Variants in UNC5A observed in about 807,000 individuals in gnomAD.
UNC5A encodes the protein netrin receptor UNC5A.
In UNC5A, 20 loss-of-function variants were observed where a neutral mutation model predicts 87.4. The ratio of observed to expected loss-of-function variants is 0.23; its 90% confidence interval spans 0.16 to 0.33. The LOEUF is 0.33. UNC5A is among the 10% of genes least tolerant of loss of function. The pLI, the probability that UNC5A is intolerant of heterozygous loss-of-function variation, is 1.00. For synonymous variants in UNC5A, 438 were observed against 482.3 expected (o/e 0.91, Z 1.20); for missense variants, 844 against 1,133.4 (o/e 0.74, Z 3.67).
chr5:176,826,026 C>T (rs73340065), intron 1 of UNC5A, among the ~76,000 whole-genome samples: 9,075 of 152,198 alleles, frequency 0.06, 714 homozygotes, highest in African/African-American at 0.18. Context: ...GAGCAGGCTG[C>T]GGGTGCAGCA....
intron 1 of UNC5A, among the ~76,000 whole-genome samples, chr5:176,820,044 C>T (rs1416949783): frequency 2.0e-5 from 3 of 152,146 alleles, no homozygotes; most frequent in South Asian, 2.1e-4. Flanking sequence ...GGGCGGATCA[C>T]GAGGTCAGGA....
At position 176,869,021 on chromosome 5, in the gene UNC5A, G is replaced by A; in HGVS notation, c.721+57G>A. The A allele has an allele frequency of 6.5e-7, 1 of 1,527,184 alleles. No homozygotes were observed. The highest frequency in any genetic ancestry group is 8.8e-7 in the Non-Finnish European group (1 of 1,135,586). The allele number at this position is 1,527,184 out of a possible 1,614,324, so 94.6% of individuals were successfully genotyped here. A position where few individuals can be genotyped will look rare whatever the true frequency, so the allele number is the denominator to read the frequency against. On this transcript the variant is annotated intron_variant, in intron 5 of 14. Transcript: ENST00000329542. This position sits in a 1 kb window ranked among gnomAD's most constrained non-coding sequence, Gnocchi z 9.1. ...AGGCACTGCGGTGCCCCTGGGCAGT[G>A]ACATGTGGCTGGTGGGGTGAAGAGA...
chr5:176,833,994 G>C (rs910552515), intron 1 of UNC5A, among the ~76,000 whole-genome samples: 1 of 151,642 alleles, frequency 6.6e-6, no homozygotes, highest in African/African-American at 2.4e-5. Context: ...GTGAGCCACC[G>C]CACCCGGCCC....
intron 1 of UNC5A, among the ~76,000 whole-genome samples, chr5:176,814,892 C>T (rs1756550989): frequency 2.0e-5 from 3 of 152,210 alleles, no homozygotes; most frequent in African/African-American, 7.2e-5. Context: ...TGCTCTGCCC[C>T]TCTCAGCAAC....
chr5:176,867,725 C>G (rs1358150977), intron 2 of UNC5A, among the ~76,000 whole-genome samples: 1 of 152,214 alleles, frequency 6.6e-6, no homozygotes, highest in African/African-American at 2.4e-5. Flanking sequence ...CTTTTACCCA[C>G]AGAGGTGCAG....
At chr5:176,812,918 G>A (rs535669256) in intron 1 of UNC5A, among the ~76,000 whole-genome samples, 18 of 152,168 alleles carry the variant, frequency 1.2e-4, no homozygotes, top group Non-Finnish European at 8.8e-5. Flanking sequence ...GGCTCCTCCC[G>A]CGCTGCCTTT....
At chr5:176,877,110 G>T in intron 8 of UNC5A, 82 bp from the exon 9 acceptor site, 3 of 1,179,756 alleles carry the variant, frequency 2.5e-6, no homozygotes, top group Non-Finnish European at 3.7e-6. Flanking sequence ...GTCCTCACAG[G>T]AAGGCTCCTG....
At chr5:176,811,419 C>T (rs79664992) in intron 1 of UNC5A, among the ~76,000 whole-genome samples, 6,742 of 152,336 alleles carry the variant, frequency 0.044, 185 homozygotes, top group Middle Eastern at 0.13. Context: ...AGTCAAAGCG[C>T]CGCGGTCCCG....
chr5:176,827,532 A>G (rs1464122154), intron 1 of UNC5A, among the ~76,000 whole-genome samples: 3 of 152,166 alleles, frequency 2.0e-5, no homozygotes, highest in Admixed American at 6.5e-5. Flanking sequence ...GATGGACCAC[A>G]TTTGGTTTAT....
In UNC5A at chr5:176,865,693, C is replaced by T; in HGVS notation, c.293-2437C>T. The T allele has an allele frequency of 2.2e-6, 1 of 456,644 alleles. No homozygotes were observed. The highest frequency in any genetic ancestry group is 1.5e-5 in the South Asian group (1 of 64,570). 28.3% of individuals were successfully genotyped at this position (456,644 alleles called of 1,614,324 possible). ...CCACGCCGCCAAAGACCAAAGACCC[C>T]AAACCAGAAACGTTCTGTGGTCAGA... is the stretch of plus-strand genomic sequence containing the variant. On this transcript the variant is annotated intron_variant, in intron 2 of 14. Coordinates refer to ENST00000329542, the MANE Select transcript of UNC5A (RefSeq NM_133369.3). This position sits in a 1 kb window ranked among gnomAD's most constrained non-coding sequence, Gnocchi z 5.3.
At chr5:176,868,020 A>T in intron 2 of UNC5A, 110 bp from the exon 3 acceptor site, 3 of 875,108 alleles carry the variant, frequency 3.4e-6, no homozygotes, top group Non-Finnish European at 4.8e-6. Context: ...AAAAAAACAA[A>T]GTCCACTCCC....
In UNC5A at chr5:176,867,211, C is replaced by T. The variant is rs1757996442; in HGVS notation, c.293-919C>T. On this transcript the variant is annotated intron_variant, in intron 2 of 14. Coordinates refer to ENST00000329542, the MANE Select transcript of UNC5A (RefSeq NM_133369.3). ...GGAGGAGAAATTGGAAGCAAACAGT[C>T]TTTTCTCACTGCTGGGGATGCTGGT... Among the ~76,000 whole-genome samples, 7 of 152,312 alleles carry T rather than the reference C, an allele frequency of 4.6e-5. No homozygotes were observed. In the South Asian group the frequency reaches 1.4e-3, roughly 32 times the overall value.
At position 176,830,653 on chromosome 5, in the gene UNC5A, T is replaced by C. The variant is rs1252041160; in HGVS notation, c.70+19833T>C. 2.3e-4 allele frequency among the ~76,000 whole-genome samples: 31 copies of C among 137,582 alleles called. 1 individual carries two copies. Among genetic ancestry groups the C allele is most frequent in the Admixed American group, 1.4e-3 (19 of 13,912 alleles). 90.3% of individuals were successfully genotyped at this position (137,582 alleles called of 152,430 possible). On this transcript the variant is annotated intron_variant, in intron 1 of 14. Transcript: ENST00000329542. ...GTGTGTGCGCTGGCGTGTGCATTTG[T>C]GTGTGTGTGCTGGTGTGTGTGGGAG...
rs776599901 is a variant in UNC5A at position 176,838,226 on chromosome 5, G to A, written c.71-24398G>A. ...GAAGGAGCTGGAGAGGTGGGAAGTA[G>A]GGATTGGTGAGGCCTAATTCAGATG... On this transcript the variant is annotated intron_variant, in intron 1 of 14. Coordinates refer to ENST00000329542, the MANE Select transcript of UNC5A (RefSeq NM_133369.3). The surrounding 1 kb of genome is among the most constrained non-coding windows in gnomAD (Gnocchi z 4.2). Among the ~76,000 whole-genome samples, 59 of 152,190 alleles carry A rather than the reference G, an allele frequency of 3.9e-4. No homozygotes were observed. The highest frequency in any genetic ancestry group is 8.2e-4 in the Non-Finnish European group (56 of 68,036).
chr5:176,860,349 C>T (rs1757804990), intron 1 of UNC5A, among the ~76,000 whole-genome samples: 2 of 152,342 alleles, frequency 1.3e-5, no homozygotes, highest in South Asian at 4.1e-4. Flanking sequence ...GGCCCTCGGG[C>T]CAGCAGCACC....
chr5:176,870,251 C>G, intron 5 of UNC5A, 119 bp from the exon 6 acceptor site: 1 of 1,336,348 alleles, frequency 7.5e-7, no homozygotes, highest in Non-Finnish European at 1.0e-6. Flanking sequence ...GCTTTGCACC[C>G]AAATCCAGGC....
At chr5:176,868,459 C>T in intron 3 of UNC5A, 102 bp from the exon 4 acceptor site, 1 of 1,447,678 alleles carries the variant, frequency 6.9e-7, no homozygotes, top group Admixed American at 2.1e-5. Context: ...CTGGCACTTC[C>T]TCTGCCATGT....
rs78638772 is a variant in UNC5A at position 176,811,332 on chromosome 5, C to G, written c.70+512C>G. Among the ~76,000 whole-genome samples the G allele has an allele frequency of 4.4e-3, 677 of 152,356 alleles. 2 individuals carry two copies. Among genetic ancestry groups the G allele is most frequent in the Non-Finnish European group, 7.8e-3 (528 of 68,030 alleles). Reference sequence around the variant, plus strand: ...CAGAACACAGTGTCCTCCTCTGTCCCCGCCACACACGCTCTCACACGCACA... The same window carrying G: ...CAGAACACAGTGTCCTCCTCTGTCCGCGCCACACACGCTCTCACACGCACA... On this transcript the variant is annotated intron_variant, in intron 1 of 14. Transcript: ENST00000329542.
chr5:176,833,325 C>T (rs2962832), intron 1 of UNC5A, among the ~76,000 whole-genome samples: 14,923 of 152,048 alleles, frequency 0.098, 1,519 homozygotes, highest in African/African-American at 0.26. Flanking sequence ...CTCAAGTAAG[C>T]CCTGTGTCTG....
Sources: allele counts gnomAD v4.1 joint callset (sites outside exome capture counted in the v4.1 genomes callset), GRCh38; gene constraint gnomAD v4.1.1; non-coding constraint Gnocchi (gnomAD v3.1); transcripts MANE v1.5; gene names NCBI Gene and HGNC (gene_info 2026-07-23, HGNC 2026-07-21).